CEP112: variants seen among roughly 807,000 people sequenced by gnomAD.
CEP112 encodes centrosomal protein 112.
Under a neutral mutation model 153.0 loss-of-function variants are expected in CEP112, and 127 were observed. That is an observed-to-expected ratio of 0.83 (90% CI 0.72 to 0.96). The LOEUF is 0.96. Among genes scored for constraint, CEP112 ranks in the 40% least tolerant of loss-of-function variants. The pLI is 0.00. For missense variants in CEP112, 1,089 were observed against 1,101.2 expected (o/e 0.99, Z 0.16); for synonymous variants, 358 against 374.4 (o/e 0.96, Z 0.51).
At position 66,178,298 on chromosome 17, in the gene CEP112, G is replaced by A. The variant is rs1353618455; in HGVS notation, c.107-1278C>T. Among the ~76,000 whole-genome samples the A allele has an allele frequency of 4.6e-5, 7 of 152,134 alleles. No homozygotes were observed. In the East Asian group the frequency reaches 9.7e-4, roughly 21 times the overall value. On this transcript the variant is annotated intron_variant, in intron 2 of 26. Transcript: ENST00000535342. Reference sequence around the variant, plus strand: ...ATATCTCACTGCAGTTTTTATCTGCGTTGCTCTGATGATCAGTGATGTTGA... The same window carrying A: ...ATATCTCACTGCAGTTTTTATCTGCATTGCTCTGATGATCAGTGATGTTGA...
intron 23 of CEP112, among the ~76,000 whole-genome samples, chr17:65,701,886 C>CTG (rs2048650134): frequency 2.4e-4 from 31 of 129,112 alleles, no homozygotes; most frequent in African/African-American, 8.5e-4. Context: ...CCTTCAACTT[C>CTG]TTTTTTTTTT....
intron 15 of CEP112, among the ~76,000 whole-genome samples, 177 bp downstream of exon 15, chr17:66,028,136 A>AT (rs56336980): frequency 0.93 from 140,417 of 151,616 alleles, 65,256 homozygotes; most frequent in East Asian, 0.97. Flanking sequence ...TCTACATCTC[A>AT]AAGCATCAAT....
Position 66,027,577 on chromosome 17 carries a change from T to C in CEP112, c.1597-17A>G. On this transcript the variant is annotated splice_polypyrimidine_tract_variant and intron_variant, in intron 15 of 26. Coordinates refer to ENST00000535342, the MANE Select transcript of CEP112 (RefSeq NM_001199165.4). ...TTCTTGATCCTGTGAATGATAAATGTTTATATTTATTATACTTTAAATTAT... is the reference window on the plus strand; with the variant it reads ...TTCTTGATCCTGTGAATGATAAATGCTTATATTTATTATACTTTAAATTAT... The C allele has an allele frequency of 8.1e-7, 1 of 1,241,840 alleles. No homozygotes were observed. The highest frequency in any genetic ancestry group is 1.1e-6 in the Non-Finnish European group (1 of 927,182). The allele number at this position is 1,241,840 out of a possible 1,614,324, so 76.9% of individuals were successfully genotyped here. A position where few individuals can be genotyped will look rare whatever the true frequency, so the allele number is the denominator to read the frequency against.
chr17:65,773,810 C>T (rs1159072649), intron 21 of CEP112, among the ~76,000 whole-genome samples: 1 of 152,142 alleles, frequency 6.6e-6, no homozygotes, highest in East Asian at 1.9e-4. Flanking sequence ...GGAGGTTGGG[C>T]ACAGTAGCTC....
chr17:65,990,432 C>T (rs1347738253), intron 17 of CEP112, among the ~76,000 whole-genome samples: 1 of 152,230 alleles, frequency 6.6e-6, no homozygotes, highest in Non-Finnish European at 1.5e-5. Flanking sequence ...GCCACTCCTC[C>T]CCCATCCACC....
At chr17:66,167,641 G>T (rs548871934) in intron 4 of CEP112, among the ~76,000 whole-genome samples, 1 of 152,132 alleles carries the variant, frequency 6.6e-6, no homozygotes, top group Non-Finnish European at 1.5e-5. Flanking sequence ...GAAAAAAACA[G>T]ATAAAACTGA....
intron 23 of CEP112, among the ~76,000 whole-genome samples, chr17:65,723,190 A>C (rs1174222410): frequency 6.6e-6 from 1 of 152,232 alleles, no homozygotes; most frequent in Non-Finnish European, 1.5e-5. Context: ...GTAGGTAGAC[A>C]TGAACTTACA....
At chr17:65,691,870 A>T (rs232127) in intron 23 of CEP112, among the ~76,000 whole-genome samples, 94,357 of 152,084 alleles carry the variant, frequency 0.62, 31,795 homozygotes, top group African/African-American at 0.88. Context: ...GTCAGAGTGA[A>T]CTTCTTAAAC....
intron 19 of CEP112, among the ~76,000 whole-genome samples, chr17:65,926,775 A>G (rs2060942183): frequency 6.6e-6 from 1 of 152,104 alleles, no homozygotes; most frequent in Non-Finnish European, 1.5e-5. Flanking sequence ...TTTAATTTGT[A>G]GACTGATGAC....
chr17:65,922,170 T>C (rs1177168210), intron 19 of CEP112, among the ~76,000 whole-genome samples: 3 of 152,148 alleles, frequency 2.0e-5, no homozygotes, highest in African/African-American at 7.2e-5. Context: ...TAATTTGCAT[T>C]TTTATTAACA....
At chr17:66,091,541 C>G (rs1270458615) in intron 8 of CEP112, among the ~76,000 whole-genome samples, 2 of 152,000 alleles carry the variant, frequency 1.3e-5, no homozygotes, top group Non-Finnish European at 2.9e-5. Flanking sequence ...ACAGCAAAAG[C>G]AGTTCTAAGA....
intron 17 of CEP112, among the ~76,000 whole-genome samples, chr17:65,968,539 T>C (rs979172932): frequency 2.9e-4 from 44 of 152,316 alleles, no homozygotes; most frequent in African/African-American, 1.0e-3. Context: ...TTTAGAGAAT[T>C]GTATTGCTAC....
chr17:65,835,673 G>A (rs967378729), intron 21 of CEP112, among the ~76,000 whole-genome samples: 1 of 152,042 alleles, frequency 6.6e-6, no homozygotes, highest in Admixed American at 6.6e-5. Context: ...TCAAAGCTGG[G>A]GTTATTCATC....
At chr17:65,855,016 C>T (rs891713584) in intron 20 of CEP112, among the ~76,000 whole-genome samples, 3 of 152,072 alleles carry the variant, frequency 2.0e-5, no homozygotes, top group African/African-American at 7.2e-5. Flanking sequence ...TGCTGGCTCC[C>T]TTCCCCAAAA....
chr17:66,130,818 A>G (rs2070127877), intron 5 of CEP112, among the ~76,000 whole-genome samples: 1 of 148,788 alleles, frequency 6.7e-6, no homozygotes. Context: ...GTGATTCTTC[A>G]CTTTTTAAAA....
chr17:65,659,255 C>T (rs927066965), intron 24 of CEP112, among the ~76,000 whole-genome samples: 1 of 152,044 alleles, frequency 6.6e-6, no homozygotes, highest in Non-Finnish European at 1.5e-5. Flanking sequence ...AAATATCGTT[C>T]AAAATATCTG....
At chr17:65,968,701 T>C (rs1262371417) in intron 17 of CEP112, among the ~76,000 whole-genome samples, 1 of 152,204 alleles carries the variant, frequency 6.6e-6, no homozygotes, top group East Asian at 1.9e-4. Flanking sequence ...CTACATTTTT[T>C]AGATGAAAAC....
intron 19 of CEP112, among the ~76,000 whole-genome samples, chr17:65,906,862 G>C (rs542232018): frequency 2.3e-4 from 35 of 152,174 alleles, no homozygotes; most frequent in African/African-American, 7.9e-4. Flanking sequence ...TTTAGTTCTT[G>C]GACATGTTAT....
At chr17:65,666,558 G>A (rs2046702783) in intron 24 of CEP112, among the ~76,000 whole-genome samples, 1 of 152,148 alleles carries the variant, frequency 6.6e-6, no homozygotes, top group African/African-American at 2.4e-5. Context: ...CTTAATTGAT[G>A]CAAGCCATCA....
Sources: allele counts gnomAD v4.1 joint callset (sites outside exome capture counted in the v4.1 genomes callset), GRCh38; gene constraint gnomAD v4.1.1; transcripts MANE v1.5; gene names NCBI Gene and HGNC (gene_info 2026-07-23, HGNC 2026-07-21).